CD80: variants seen among roughly 807,000 people sequenced by gnomAD.
CD80 encodes the protein T-lymphocyte activation antigen CD80.
CD80 carries 13 observed loss-of-function variants against 27.1 expected under a neutral mutation model. That is an observed-to-expected ratio of 0.48 (90% CI 0.31 to 0.76). The LOEUF is 0.76. Ranked by LOEUF, CD80 falls within the 30% of genes least tolerant of loss-of-function variation. The pLI, the probability that CD80 is intolerant of heterozygous loss-of-function variation, is 0.04. For synonymous variants in CD80, 125 were observed against 125.5 expected (o/e 1.00, Z 0.03); for missense variants, 277 against 347.9 (o/e 0.80, Z 1.62).
rs949729941 is a variant in CD80 at position 119,524,975 on chromosome 3, G to T, written c.*813C>A. The stretch of plus-strand genomic sequence containing the variant: ...TTCTCATAAATATTTTACAAATGAG[G>T]TCAAACTAGCATAAAGCCATTTAAA... On this transcript the variant is annotated 3_prime_UTR_variant, in exon 7 of 7. Transcript: ENST00000264246. 1.3e-5 allele frequency: 2 copies of T among 152,158 alleles called. No homozygotes were observed. The highest frequency in any genetic ancestry group is 4.8e-5 in the African/African-American group (2 of 41,440). The allele number at this position is 152,158 out of a possible 1,614,324, so 9.4% of individuals were successfully genotyped here.
chr3:119,545,304 C>A (rs2082195712), intron 2 of CD80, among the ~76,000 whole-genome samples: 1 of 151,878 alleles, frequency 6.6e-6, no homozygotes, highest in Non-Finnish European at 1.5e-5. Flanking sequence ...AGATTGCACC[C>A]CAGCCTGGGC....
chr3:119,544,293 C>T, intron 3 of CD80: 1 of 498,030 alleles, frequency 2.0e-6, no homozygotes, highest in Non-Finnish European at 3.6e-6. Flanking sequence ...TTGAGAGGCT[C>T]TTTAGGTCAT....
Position 119,557,679 on chromosome 3 carries a change from A to C in CD80, c.50T>G (p.Leu17Arg), listed in dbSNP as rs544665850. 12 of 1,613,704 alleles carry C rather than the reference A, an allele frequency of 7.4e-6. No homozygotes were observed. Among genetic ancestry groups the C allele is most frequent in the Non-Finnish European group, 1.0e-5 (12 of 1,179,878 alleles). ...QGTSPSKCPY[L>R]NFFQLLVLAG... is the part of the protein sequence containing the mutation. ...CAGCACCAAGAGCTGAAAGAAATTG[A>C]GGTATGGACACTTGGATGGTGATGT... Residue 17 changes from leucine to arginine, a missense_variant, in exon 2 of 7, where the codon CTC (leucine) becomes CGC (arginine). Transcript: ENST00000264246.
rs762795956 is a variant in CD80, at chr3:119,529,928, T to C, written c.710A>G (p.Glu237Gly). The C allele has an allele frequency of 6.2e-7, 1 of 1,612,176 alleles. No individual in the cohort carries two copies. Among genetic ancestry groups the C allele is most frequent in the South Asian group, 1.1e-5 (1 of 91,044 alleles). ...QTFNWNTTKQ[E>G]HFPDNLLPSW... is the part of the protein sequence containing the mutation. ...TGGGAGCAGGTTATCAGGAAAATGCTCTTGCTTGGCTATGGAGGGAAAAGA... is the reference window on the plus strand; with the variant it reads ...TGGGAGCAGGTTATCAGGAAAATGCCCTTGCTTGGCTATGGAGGGAAAAGA... The change falls in exon 5 of 7, where the codon GAG becomes GGG. Residue 237 changes from glutamate to glycine, a missense_variant. By Grantham distance (98) the Glu-to-Gly change is moderately conservative. Transcript: ENST00000264246.
chr3:119,556,366 C>T (rs2082264859), intron 2 of CD80, among the ~76,000 whole-genome samples: 1 of 151,666 alleles, frequency 6.6e-6, no homozygotes, highest in Non-Finnish European at 1.5e-5. Flanking sequence ...CTCCCCCTCC[C>T]TGCCCCCCTT....
chr3:119,549,014 G>A (rs2082215993), intron 2 of CD80, among the ~76,000 whole-genome samples: 1 of 152,046 alleles, frequency 6.6e-6, no homozygotes, highest in Non-Finnish European at 1.5e-5. Context: ...TCCAGCTTGG[G>A]TGACAGAGTG....
At chr3:119,538,671 T>C (rs1371929676) in intron 3 of CD80, among the ~76,000 whole-genome samples, 3 of 152,220 alleles carry the variant, frequency 2.0e-5, no homozygotes. Context: ...AAGGGCTCCA[T>C]GAAGTTGTGT....
chr3:119,553,267 G>A (rs559305600), intron 2 of CD80, among the ~76,000 whole-genome samples: 1 of 151,980 alleles, frequency 6.6e-6, no homozygotes, highest in South Asian at 2.1e-4. Flanking sequence ...AGCCTCCTGA[G>A]TAGCTAGGAT....
intron 3 of CD80, among the ~76,000 whole-genome samples, chr3:119,537,756 C>T (rs372181351): frequency 1.1e-4 from 16 of 152,292 alleles, no homozygotes; most frequent in African/African-American, 3.6e-4. Context: ...TAGCCGAGAT[C>T]GTACGACTTC....
intron 3 of CD80, among the ~76,000 whole-genome samples, chr3:119,537,801 C>G (rs1325911747): frequency 6.6e-6 from 1 of 152,146 alleles, no homozygotes; most frequent in Non-Finnish European, 1.5e-5. Context: ...GGCTTCATCT[C>G]AAAAACAACA....
chr3:119,552,628 G>A (rs1487953946), intron 2 of CD80, among the ~76,000 whole-genome samples: 1 of 151,600 alleles, frequency 6.6e-6, no homozygotes, highest in Non-Finnish European at 1.5e-5. Context: ...TTGAGCCCAG[G>A]AAATCGAGAC....
In CD80 at chr3:119,544,963, G is replaced by A. The variant is rs1266528324; in HGVS notation, c.101-96C>T. ...AGTCGGCAGTAACAGAACTTAGGGT[G>A]TTGTGTCTAGTGACTAAGTATCAAT... is the stretch of plus-strand genomic sequence containing the variant. On this transcript the variant is annotated intron_variant, in intron 2 of 6. Coordinates refer to ENST00000264246, the MANE Select transcript of CD80 (RefSeq NM_005191.4). The A allele has an allele frequency of 5.6e-6, 5 of 888,740 alleles. No homozygotes were observed. The African/African-American group carries it at 8.5e-5, about 15-fold the overall frequency. The allele number at this position is 888,740 out of a possible 1,614,324, so 55.1% of individuals were successfully genotyped here. A position where few individuals can be genotyped will look rare whatever the true frequency, so the allele number is the denominator to read the frequency against.
chr3:119,554,137 C>A (rs2082250400), intron 2 of CD80, among the ~76,000 whole-genome samples: 1 of 152,198 alleles, frequency 6.6e-6, no homozygotes, highest in South Asian at 2.1e-4. Flanking sequence ...TATTTATATC[C>A]TTAAAATGCA....
At chr3:119,540,507 C>A (rs981934380) in intron 3 of CD80, among the ~76,000 whole-genome samples, 18 of 152,056 alleles carry the variant, frequency 1.2e-4, no homozygotes, top group Non-Finnish European at 2.5e-4. Flanking sequence ...GTTCCTGAGC[C>A]ACTTTTAGTT....
chr3:119,529,809 T>C lies in CD80; in HGVS notation c.796+33A>G, dbSNP rs767775663. 4.3e-6 allele frequency: 6 copies of C among 1,396,748 alleles called. No individual in the cohort carries two copies. The South Asian group carries it at 5.8e-5, about 14-fold the overall frequency. The allele number at this position is 1,396,748 out of a possible 1,614,324, so 86.5% of individuals were successfully genotyped here. On this transcript the variant is annotated intron_variant, in intron 5 of 6. Coordinates refer to ENST00000264246, the MANE Select transcript of CD80 (RefSeq NM_005191.4). ...GGTAATAAAGTTTGATCTTCCAGAA[T>C]TGAGATCAGGATGATGGTATGATAG...
Position 119,525,038 on chromosome 3 carries a change from G to T in CD80, c.*750C>A, listed in dbSNP as rs2082056727. The T allele has an allele frequency of 6.6e-6, 1 of 152,156 alleles. No individual in the cohort carries two copies. Among genetic ancestry groups the T allele is most frequent in the Non-Finnish European group, 1.5e-5 (1 of 68,024 alleles). 9.4% of individuals were successfully genotyped at this position (152,156 alleles called of 1,614,324 possible). A position where few individuals can be genotyped will look rare whatever the true frequency, so the allele number is the denominator to read the frequency against. On this transcript the variant is annotated 3_prime_UTR_variant, in exon 7 of 7. Transcript: ENST00000264246. ...CCAATATGAACCAGTTAAGTCTTTG[G>T]ACTATCCCTTTCCTCCTTGACTACT...
At chr3:119,528,803 G>A (rs1331676124) in intron 5 of CD80, among the ~76,000 whole-genome samples, 3 of 151,174 alleles carry the variant, frequency 2.0e-5, no homozygotes, top group Admixed American at 6.6e-5. Context: ...GCACGCACCT[G>A]TAGTCCCAGC....
chr3:119,550,502 C>T (rs745618986), intron 2 of CD80, among the ~76,000 whole-genome samples: 1 of 152,192 alleles, frequency 6.6e-6, no homozygotes, highest in Non-Finnish European at 1.5e-5. Context: ...TTCCACCACA[C>T]AGAGACAGAA....
At chr3:119,546,012 C>T (rs1049441495) in intron 2 of CD80, among the ~76,000 whole-genome samples, 2 of 152,148 alleles carry the variant, frequency 1.3e-5, no homozygotes, top group African/African-American at 2.4e-5. Flanking sequence ...AATGTGATTG[C>T]ATAAAAAACA....
Sources: gnomAD v4.1 joint callset for allele counts (sites outside exome capture counted in the v4.1 genomes callset) on GRCh38, gnomAD v4.1.1 for gene constraint, MANE v1.5 for transcripts, NCBI Gene and HGNC (gene_info 2026-07-23, HGNC 2026-07-21) for gene names.